The following TENM2 variants were observed in gnomAD, a reference collection of about 807,000 sequenced individuals.
TENM2 encodes teneurin transmembrane protein 2.
Under a neutral mutation model 245.2 loss-of-function variants are expected in TENM2, and 52 were observed. The ratio of observed to expected loss-of-function variants is 0.21; its 90% confidence interval spans 0.17 to 0.27. The LOEUF is 0.27. Ranked by LOEUF, TENM2 falls within the 10% of genes least tolerant of loss-of-function variation. The pLI is 1.00. For synonymous variants in TENM2, 1,363 were observed against 1,438.9 expected (o/e 0.95, Z 1.19); for missense variants, 3,046 against 3,666.8 (o/e 0.83, Z 4.37).
intron 2 of TENM2, among the ~76,000 whole-genome samples, chr5:167,798,968 C>G (rs1191228995): frequency 6.6e-6 from 1 of 152,184 alleles, no homozygotes; most frequent in Non-Finnish European, 1.5e-5. Flanking sequence ...GCACTGCCGT[C>G]CATGAACACC....
chr5:166,995,343 C>T, the TENM2 span, among the ~76,000 whole-genome samples: 1 of 151,802 alleles, frequency 6.6e-6, no homozygotes, highest in African/African-American at 2.4e-5. Context: ...AGGTTCACGC[C>T]ATTCTCCTGC....
chr5:167,616,414 T>A (rs1270665457), intron 2 of TENM2, among the ~76,000 whole-genome samples: 6 of 152,106 alleles, frequency 3.9e-5, no homozygotes, highest in Admixed American at 3.9e-4. Context: ...ATCCTCTTCA[T>A]TGTCTTAATT....
At chr5:167,284,995 G>A (rs1229141500) in exon 1 of TENM2, 90 of 1,552,060 alleles carry the variant, frequency 5.8e-5, no homozygotes, top group Non-Finnish European at 7.8e-5. Flanking sequence ...GACCATGACA[G>A]CAGGATGCAC....
chr5:167,472,568 T>G (rs1186729112), intron 2 of TENM2, among the ~76,000 whole-genome samples: 1 of 152,156 alleles, frequency 6.6e-6, no homozygotes, highest in Non-Finnish European at 1.5e-5. Flanking sequence ...AGAAAAGGTC[T>G]TGCCTTGGTT....
At chr5:167,120,349 A>G in the TENM2 span, among the ~76,000 whole-genome samples, 1 of 152,182 alleles carries the variant, frequency 6.6e-6, no homozygotes, top group African/African-American at 2.4e-5. Context: ...GCAAAGCTCC[A>G]CGAGAGAAGT....
intron 13 of TENM2, among the ~76,000 whole-genome samples, chr5:168,176,362 C>T (rs954801354): frequency 6.6e-6 from 1 of 152,192 alleles, no homozygotes; most frequent in Non-Finnish European, 1.5e-5. Flanking sequence ...CCTCTCTCTG[C>T]CATACCTGCC....
In TENM2 at chr5:167,897,064, C is replaced by G. The variant is rs200956012; in HGVS notation, c.712+20869C>G. Among the ~76,000 whole-genome samples the G allele has an allele frequency of 2.0e-5, 3 of 152,338 alleles. No homozygotes were observed. The East Asian group carries it at 5.8e-4, about 29-fold the overall frequency. On this transcript the variant is annotated intron_variant, in intron 3 of 28. Coordinates refer to ENST00000518659, the Ensembl canonical transcript of TENM2. ...GAAAGGCTTATAATGTGAGGCTCAT[C>G]ATTCTATCACGCATCAAAGAATGGG...
chr5:167,441,637 G>A (rs1764887722), intron 2 of TENM2, among the ~76,000 whole-genome samples: 1 of 152,174 alleles, frequency 6.6e-6, no homozygotes, highest in Non-Finnish European at 1.5e-5. Flanking sequence ...TGCTGTTGCT[G>A]ATATGTAGTC....
chr5:167,938,928 G>C (rs992487402), intron 3 of TENM2, among the ~76,000 whole-genome samples: 27 of 143,692 alleles, frequency 1.9e-4, no homozygotes, highest in African/African-American at 6.7e-4. Context: ...GGATGACAGA[G>C]CAAGACTCCG....
chr5:167,046,454 A>C, the TENM2 span, among the ~76,000 whole-genome samples: 1 of 152,206 alleles, frequency 6.6e-6, no homozygotes, highest in Non-Finnish European at 1.5e-5. Context: ...TTACCATCCA[A>C]AAATGGAACG....
At chr5:167,755,212 A>T (rs369172070) in intron 2 of TENM2, 3 of 1,581,800 alleles carry the variant, frequency 1.9e-6, no homozygotes, top group Admixed American at 3.3e-5. Flanking sequence ...ATGGATGTGC[A>T]TGCAGATGGG....
rs146614711 is a variant in TENM2 at position 167,896,293 on chromosome 5, G to A, written c.712+20098G>A. Among the ~76,000 whole-genome samples the A allele has an allele frequency of 6.7e-3, 1,013 of 152,272 alleles. 19 individuals are homozygous for A. The highest frequency in any genetic ancestry group is 0.023 in the African/African-American group (961 of 41,530). On this transcript the variant is annotated intron_variant, in intron 3 of 28. Transcript: ENST00000518659. ...GAGACGAGAAAACATGGGGCCTTTGGGGAAAGCTTGAATAGCTAAAGGAAA... is the reference window on the plus strand; with the variant it reads ...GAGACGAGAAAACATGGGGCCTTTGAGGAAAGCTTGAATAGCTAAAGGAAA...
chr5:167,050,037 G>A, the TENM2 span, among the ~76,000 whole-genome samples: 1 of 152,186 alleles, frequency 6.6e-6, no homozygotes, highest in East Asian at 1.9e-4. Context: ...GTTCCAGGCT[G>A]AAGAGTCAGC....
At chr5:167,776,042 A>G (rs553604477) in intron 2 of TENM2, among the ~76,000 whole-genome samples, 3 of 152,106 alleles carry the variant, frequency 2.0e-5, no homozygotes, top group Non-Finnish European at 4.4e-5. Flanking sequence ...GGAGGAATAA[A>G]TATTTGTGAA....
intron 2 of TENM2, among the ~76,000 whole-genome samples, chr5:167,680,251 A>G (rs944936373): frequency 6.6e-6 from 1 of 151,636 alleles, no homozygotes. Flanking sequence ...GGACTTTCAG[A>G]AAAAAAATAG....
intron 2 of TENM2, among the ~76,000 whole-genome samples, chr5:167,442,562 C>A (rs193102785): frequency 1.5e-4 from 22 of 147,018 alleles, no homozygotes; most frequent in African/African-American, 5.4e-4. Flanking sequence ...GAAAGTTGAA[C>A]TTTTCTTGCC....
chr5:167,434,412 CAAAAAAAAAAAAAAAA>C (rs61683445), intron 2 of TENM2, among the ~76,000 whole-genome samples: 11 of 74,480 alleles, frequency 1.5e-4, no homozygotes, highest in African/African-American at 5.5e-4. Flanking sequence ...GACTCTATCT[CAAAAAAAAAAAAAAAA>C]AAAAAAAAAA....
chr5:167,430,417 C>G (rs1168041462), intron 2 of TENM2, among the ~76,000 whole-genome samples: 1 of 152,176 alleles, frequency 6.6e-6, no homozygotes, highest in Non-Finnish European at 1.5e-5. Context: ...CCTTGGTTCT[C>G]CAGCCTGGGC....
intron 2 of TENM2, among the ~76,000 whole-genome samples, chr5:167,599,261 CAGAG>C (rs1199577114): frequency 9.2e-5 from 14 of 152,214 alleles, no homozygotes; most frequent in African/African-American, 3.4e-4. Flanking sequence ...TCTTCAACGA[CAGAG>C]AAAGAGAAAG....
Sources: allele counts gnomAD v4.1 joint callset (sites outside exome capture counted in the v4.1 genomes callset), GRCh38; gene constraint gnomAD v4.1.1; transcripts MANE v1.5; gene names NCBI Gene and HGNC (gene_info 2026-07-23, HGNC 2026-07-21).